NIM1K: variants seen among roughly 807,000 people sequenced by gnomAD.
The protein encoded by NIM1K is NIM1 serine/threonine protein kinase.
In NIM1K, 35 loss-of-function variants were observed where a neutral mutation model predicts 37.1. The observed-to-expected ratio is 0.94, with a 90% CI of 0.72 to 1.25. NIM1K has a LOEUF of 1.25. NIM1K is among the 50% of genes most tolerant of loss of function. The probability of loss-of-function intolerance (pLI) is 0.00; values close to 1 mark genes in which losing one functional copy is unlikely to be tolerated. For synonymous variants in NIM1K, 234 were observed against 206.6 expected, an observed-to-expected ratio of 1.13 and a Z score of -1.14; for missense variants, 564 against 548.0, an observed-to-expected ratio of 1.03 and a Z score of -0.29.
intron 2 of NIM1K, among the ~76,000 whole-genome samples, chr5:43,268,497 C>A (rs1753204369): frequency 3.3e-5 from 5 of 152,204 alleles, no homozygotes; most frequent in Admixed American, 2.0e-4. Context: ...TTCTGTGGGG[C>A]CACAGGAGTG....
chr5:43,277,460 C>CA, intron 3 of NIM1K, 135 bp downstream of exon 3: 1 of 925,026 alleles, frequency 1.1e-6, no homozygotes, highest in South Asian at 1.7e-5. Context: ...TTCTGAGAGT[C>CA]AGAAGTCTGG....
Position 43,280,491 on chromosome 5 carries a change from A to G in NIM1K, c.1073A>G (p.Lys358Arg), listed in dbSNP as rs967708461. The change falls in exon 4 of 4, where the codon AAA becomes AGA. Residue 358 changes from lysine (K) to arginine (R), a missense_variant. Coordinates refer to ENST00000326035, the MANE Select transcript of NIM1K (RefSeq NM_153361.4). Reference sequence around the variant, plus strand: ...CTCAAGGAAGAAGAAAATGAGGTCAAAAGCACTTTAGAACATTTGGGCATT... The same window carrying G: ...CTCAAGGAAGAAGAAAATGAGGTCAGAAGCACTTTAGAACATTTGGGCATT... ...STLKEEENEV[K>R]STLEHLGITE... 6.2e-7 allele frequency: 1 copy of G among 1,614,088 alleles called. No individual in the cohort carries two copies. The highest frequency in any genetic ancestry group is 8.5e-7 in the Non-Finnish European group (1 of 1,180,036).
intron 1 of NIM1K, among the ~76,000 whole-genome samples, chr5:43,217,795 AC>A (rs1752323644): frequency 6.9e-6 from 1 of 144,758 alleles, no homozygotes; most frequent in Admixed American, 7.3e-5. Context: ...GCTCACTGCA[AC>A]CTCCGCCTGA....
intron 1 of NIM1K, chr5:43,231,970 C>T (rs1752545991): frequency 1.0e-6 from 1 of 974,212 alleles, no homozygotes; most frequent in Non-Finnish European, 1.6e-6. Flanking sequence ...GCACTCTTGA[C>T]ATACATTCAA....
chr5:43,231,497 G>A (rs1300383132), intron 1 of NIM1K, among the ~76,000 whole-genome samples: 1 of 152,014 alleles, frequency 6.6e-6, no homozygotes, highest in Admixed American at 6.6e-5. Context: ...GGTCTCAAAT[G>A]CCACCTCTAT....
At chr5:43,241,036 C>G (rs1752695076) in intron 1 of NIM1K, among the ~76,000 whole-genome samples, 2 of 152,058 alleles carry the variant, frequency 1.3e-5, no homozygotes, top group South Asian at 4.2e-4. Flanking sequence ...TAGTTACAGC[C>G]AAATTACCTT....
In NIM1K at chr5:43,239,656, A is replaced by G. The variant is rs576171195; in HGVS notation, c.-694-5426A>G. ...ATTCTCCTGCCTTAGCCTCCCAAGTAGCTGGGATTACAGGCATGCACCACA... is the reference window on the plus strand; with the variant it reads ...ATTCTCCTGCCTTAGCCTCCCAAGTGGCTGGGATTACAGGCATGCACCACA... On this transcript the variant is annotated intron_variant, in intron 1 of 3. Transcript: ENST00000326035. Among the ~76,000 whole-genome samples, 30 of 151,636 alleles carry G rather than the reference A, an allele frequency of 2.0e-4. No individual in the cohort carries two copies. In the South Asian group the frequency reaches 6.0e-3, roughly 30 times the overall value.
chr5:43,237,824 A>C (rs1236753658), intron 1 of NIM1K, among the ~76,000 whole-genome samples: 2 of 152,134 alleles, frequency 1.3e-5, no homozygotes, highest in African/African-American at 2.4e-5. Context: ...GTAAGAATTC[A>C]GAGTTTTTTC....
Position 43,215,665 on chromosome 5 carries a change from C to A in NIM1K, c.-695+23254C>A, listed in dbSNP as rs963335405. ...GCCTGGCTAGTCCCCAGTCCCTGAC[C>A]GCAAGTGATCTGCCCACCTGGGCCT... On this transcript the variant is annotated intron_variant, in intron 1 of 3. Transcript: ENST00000326035. Among the ~76,000 whole-genome samples the A allele has an allele frequency of 4.3e-4, 66 of 152,306 alleles. 1 individual carries two copies. The highest frequency in any genetic ancestry group is 1.4e-3 in the African/African-American group (60 of 41,566).
At chr5:43,251,414 T>G (rs758254235) in intron 2 of NIM1K, among the ~76,000 whole-genome samples, 1 of 152,182 alleles carries the variant, frequency 6.6e-6, no homozygotes. Flanking sequence ...TTCAACCTCA[T>G]GAGTCTTAAA....
At chr5:43,208,684 A>T (rs758112167) in intron 1 of NIM1K, among the ~76,000 whole-genome samples, 1 of 152,234 alleles carries the variant, frequency 6.6e-6, no homozygotes, top group African/African-American at 2.4e-5. Flanking sequence ...CCACATGGGC[A>T]TGAAAGGACA....
intron 1 of NIM1K, among the ~76,000 whole-genome samples, chr5:43,239,594 T>C (rs1752667705): frequency 6.6e-6 from 1 of 152,022 alleles, no homozygotes; most frequent in South Asian, 2.1e-4. Flanking sequence ...TGGCGCAATC[T>C]TGGCTCACTA....
intron 1 of NIM1K, among the ~76,000 whole-genome samples, chr5:43,209,880 G>A (rs1004413382): frequency 4.6e-5 from 7 of 152,214 alleles, no homozygotes; most frequent in Non-Finnish European, 2.9e-5. Context: ...CTCCCAAAGT[G>A]CTGGGATTAC....
rs10603525 is a variant in NIM1K at position 43,253,212 on chromosome 5, ATG to A, written c.292+7187_292+7188del. Among the ~76,000 whole-genome samples, 759 of 131,710 alleles carry A rather than the reference ATG, an allele frequency of 5.8e-3. 7 individuals are homozygous for A. The highest frequency in any genetic ancestry group is 0.017 in the African/African-American group (579 of 34,668). 86.4% of individuals were successfully genotyped at this position (131,710 alleles called of 152,430 possible). ...TATAATATAATATATAATATAATAT[ATG>A]TGTGTGTGTGTGTGTGTGTGTGTGT... On this transcript the variant is annotated intron_variant, in intron 2 of 3. Transcript: ENST00000326035.
intron 2 of NIM1K, among the ~76,000 whole-genome samples, chr5:43,253,317 G>A (rs1334777992): frequency 6.6e-6 from 1 of 150,680 alleles, no homozygotes; most frequent in East Asian, 2.0e-4. Flanking sequence ...AAAAATTGAT[G>A]AGTGCTGTCC....
At chr5:43,214,921 T>C (rs762892385) in intron 1 of NIM1K, among the ~76,000 whole-genome samples, 2 of 152,162 alleles carry the variant, frequency 1.3e-5, no homozygotes, top group Non-Finnish European at 2.9e-5. Context: ...AATTAATTAT[T>C]AAATTTCAAG....
intron 1 of NIM1K, among the ~76,000 whole-genome samples, chr5:43,213,387 C>T (rs978087317): frequency 3.4e-5 from 5 of 148,880 alleles, no homozygotes; most frequent in Non-Finnish European, 5.9e-5. Context: ...TGGAGCGCAG[C>T]GGCACGATCT....
chr5:43,253,725 T>C (rs1752902149), intron 2 of NIM1K, among the ~76,000 whole-genome samples: 1 of 151,882 alleles, frequency 6.6e-6, no homozygotes, highest in Non-Finnish European at 1.5e-5. Context: ...AATGGTGTGA[T>C]CTCTGTTCAT....
chr5:43,245,335 G>C lies in NIM1K; in HGVS notation c.-441G>C, dbSNP rs955605957. 1 of 154,366 alleles carries C rather than the reference G, an allele frequency of 6.5e-6. No individual in the cohort carries two copies. The highest frequency in any genetic ancestry group is 2.4e-5 in the African/African-American group (1 of 41,696). The allele number at this position is 154,366 out of a possible 1,614,324, so 9.6% of individuals were successfully genotyped here. A position where few individuals can be genotyped will look rare whatever the true frequency, so the allele number is the denominator to read the frequency against. On this transcript the variant is annotated 5_prime_UTR_variant, in exon 2 of 4. Transcript: ENST00000326035. ...GCAGCAGGGACGTGGGGGCCTCCCA[G>C]GGGCATTTACGCACCAGAGTGCAAG...
Sources: allele counts gnomAD v4.1 joint callset (sites outside exome capture counted in the v4.1 genomes callset), GRCh38; gene constraint gnomAD v4.1.1; transcripts MANE v1.5; gene names NCBI Gene and HGNC (gene_info 2026-07-23, HGNC 2026-07-21).